The following INPP5A variants were observed in gnomAD, a reference collection of about 807,000 sequenced individuals.
INPP5A encodes 43 kDa inositol polyphosphate 5-phophatase.
In INPP5A, 14 loss-of-function variants were observed where a neutral mutation model predicts 65.2. That is an observed-to-expected ratio of 0.21 (90% CI 0.14 to 0.34). INPP5A has a LOEUF of 0.34. Ranked by LOEUF, INPP5A falls within the 10% of genes least tolerant of loss-of-function variation. INPP5A has a pLI of 1.00. For synonymous variants in INPP5A, 207 were observed against 208.3 expected (o/e 0.99, Z 0.05); for missense variants, 431 against 545.6 (o/e 0.79, Z 2.09).
At chr10:132,756,499 G>A (rs567246989) in intron 11 of INPP5A, among the ~76,000 whole-genome samples, 4 of 152,216 alleles carry the variant, frequency 2.6e-5, no homozygotes, top group South Asian at 2.1e-4. Context: ...ATAATCTGAC[G>A]ATAGGACTGA....
chr10:132,596,770 T>C (rs2786884), intron 1 of INPP5A, among the ~76,000 whole-genome samples: 36,914 of 151,384 alleles, frequency 0.24, 5,118 homozygotes, highest in East Asian at 0.49. Context: ...TATGCATGCA[T>C]GTGTGTTTGT....
In INPP5A at chr10:132,644,292, G is replaced by A. The variant is rs1341163965; in HGVS notation, c.118-1576G>A. Among the ~76,000 whole-genome samples the A allele has an allele frequency of 2.6e-5, 4 of 152,214 alleles. No homozygotes were observed. Among genetic ancestry groups the A allele is most frequent in the African/African-American group, 9.6e-5 (4 of 41,460 alleles). ...GGCGGCTGCGAACTCAGGCACGGCC[G>A]CCCTTGTCTCCTGCTGCCGCTGCCA... On this transcript the variant is annotated intron_variant, in intron 2 of 15. Transcript: ENST00000368594. The surrounding 1 kb of genome is among the most constrained non-coding windows in gnomAD (Gnocchi z 6.5).
intron 2 of INPP5A, among the ~76,000 whole-genome samples, chr10:132,620,843 T>G (rs2133360255): frequency 6.6e-6 from 1 of 152,314 alleles, no homozygotes; most frequent in South Asian, 2.1e-4. Context: ...GAGTCACAGA[T>G]GATACTTTTT....
chr10:132,735,818 T>C (rs1196625429), intron 9 of INPP5A, among the ~76,000 whole-genome samples: 1 of 152,036 alleles, frequency 6.6e-6, no homozygotes, highest in Non-Finnish European at 1.5e-5. Context: ...AGGGGCAGGG[T>C]GTCTGGGAGG....
intron 1 of INPP5A, among the ~76,000 whole-genome samples, chr10:132,570,781 T>G (rs1218405971): frequency 6.6e-6 from 1 of 152,160 alleles, no homozygotes; most frequent in African/African-American, 2.4e-5. Flanking sequence ...TCTGGGTGAC[T>G]GGCTGGTGCT....
rs1299160017 is a variant in INPP5A at position 132,575,580 on chromosome 10, A to T, written c.76-32335A>T. Among the ~76,000 whole-genome samples the T allele has an allele frequency of 6.6e-6, 1 of 152,250 alleles. No homozygotes were observed. Among genetic ancestry groups the T allele is most frequent in the East Asian group, 1.9e-4 (1 of 5,202 alleles). On this transcript the variant is annotated intron_variant, in intron 1 of 15. Coordinates refer to ENST00000368594, the MANE Select transcript of INPP5A (RefSeq NM_005539.5). The surrounding 1 kb of genome is among the most constrained non-coding windows in gnomAD (Gnocchi z 5.4). Reference sequence around the variant, plus strand: ...CTACTTCCCTAACCCAACCACAAGCAGCGGAGCCAGTTATTTCTTGGCTTC... The same window carrying T: ...CTACTTCCCTAACCCAACCACAAGCTGCGGAGCCAGTTATTTCTTGGCTTC...
At chr10:132,657,720 T>C (rs1273356047) in intron 4 of INPP5A, among the ~76,000 whole-genome samples, 10 of 152,248 alleles carry the variant, frequency 6.6e-5, no homozygotes, top group African/African-American at 2.2e-4. Flanking sequence ...TTGATGGAGT[T>C]TACGGATGTT....
chr10:132,610,331 C>T (rs964276744), intron 2 of INPP5A, among the ~76,000 whole-genome samples: 6 of 152,174 alleles, frequency 3.9e-5, no homozygotes, highest in African/African-American at 1.4e-4. Context: ...TCCCCTCTGC[C>T]CCTGCAGCTC....
rs952294837 is a variant in INPP5A at position 132,616,497 on chromosome 10, TGTG to T, written c.117+8545_117+8547del. On this transcript the variant is annotated intron_variant, in intron 2 of 15. Coordinates refer to ENST00000368594, the MANE Select transcript of INPP5A (RefSeq NM_005539.5). The surrounding 1 kb of genome is among the most constrained non-coding windows in gnomAD (Gnocchi z 4.9). ...TGGTGTAGAATGTGGTGCTGATGGA[TGTG>T]GTGTGTGTGGGATGCTGTGGTCACA... 1.3e-5 allele frequency among the ~76,000 whole-genome samples: 2 copies of T among 151,592 alleles called. No homozygotes were observed. Among genetic ancestry groups the T allele is most frequent in the African/African-American group, 4.9e-5 (2 of 41,210 alleles).
chr10:132,584,152 C>T (rs1590847071), intron 1 of INPP5A, among the ~76,000 whole-genome samples: 1 of 152,242 alleles, frequency 6.6e-6, no homozygotes, highest in Admixed American at 6.5e-5. Context: ...GAGCTGTTGA[C>T]CTGTAATGTT....
At chr10:132,621,044 G>A (rs1168994774) in intron 2 of INPP5A, among the ~76,000 whole-genome samples, 1 of 152,224 alleles carries the variant, frequency 6.6e-6, no homozygotes, top group Non-Finnish European at 1.5e-5. Context: ...AGTAGATGCA[G>A]AAAACGCATT....
chr10:132,563,871 G>T (rs1380195948), intron 1 of INPP5A, among the ~76,000 whole-genome samples: 2 of 152,142 alleles, frequency 1.3e-5, no homozygotes, highest in Admixed American at 1.3e-4. Flanking sequence ...CCAGGGAGGC[G>T]TATTCACTTC....
rs1480255718 is a variant in INPP5A, at chr10:132,645,977, A to AG, written c.218+13dup. ...GTGGACAAGTTCGTCAAGTAAGTCT[A>AG]GGGGCAGGTGCTGGTGCATGTCCAC... On this transcript the variant is annotated intron_variant, in intron 3 of 15. Transcript: ENST00000368594. 1.3e-6 allele frequency: 2 copies of AG among 1,597,038 alleles called. No individual in the cohort carries two copies. Among genetic ancestry groups the AG allele is most frequent in the African/African-American group, 2.7e-5 (2 of 74,630 alleles).
intron 2 of INPP5A, among the ~76,000 whole-genome samples, chr10:132,613,628 A>G (rs903393045): frequency 2.0e-5 from 3 of 152,210 alleles, no homozygotes; most frequent in South Asian, 2.1e-4. Flanking sequence ...TTCAGCGCCA[A>G]TCCCCACTCT....
At chr10:132,611,647 G>C (rs2071953063) in intron 2 of INPP5A, among the ~76,000 whole-genome samples, 1 of 135,592 alleles carries the variant, frequency 7.4e-6, no homozygotes, top group African/African-American at 2.8e-5. Flanking sequence ...TGAGGGAGGT[G>C]AGGTGGGCAG....
At chr10:132,654,298 G>A (rs917755316) in intron 4 of INPP5A, among the ~76,000 whole-genome samples, 1 of 152,258 alleles carries the variant, frequency 6.6e-6, no homozygotes, top group Non-Finnish European at 1.5e-5. Context: ...GGCCCTGAGT[G>A]AGGCTTTAGG....
rs530792089 is a variant in INPP5A, at chr10:132,627,351, G to T, written c.118-18517G>T. Among the ~76,000 whole-genome samples, 38 of 152,274 alleles carry T rather than the reference G, an allele frequency of 2.5e-4. No individual in the cohort carries two copies. The highest frequency in any genetic ancestry group is 9.2e-4 in the African/African-American group (38 of 41,528). On this transcript the variant is annotated intron_variant, in intron 2 of 15. Transcript: ENST00000368594. The surrounding 1 kb of genome is among the most constrained non-coding windows in gnomAD (Gnocchi z 6.6). Reference sequence around the variant, plus strand: ...GGCTTCACGGGGAGACCGGGGCCGGGAGCTGCTGCTGGCTCCACACCTGTC... The same window carrying T: ...GGCTTCACGGGGAGACCGGGGCCGGTAGCTGCTGCTGGCTCCACACCTGTC...
At chr10:132,722,621 G>C (rs1294718000) in intron 8 of INPP5A, among the ~76,000 whole-genome samples, 1 of 152,112 alleles carries the variant, frequency 6.6e-6, no homozygotes, top group Non-Finnish European at 1.5e-5. Context: ...TTTAATCTGC[G>C]GTGTCGTGAG....
chr10:132,576,358 G>C (rs982707837), intron 1 of INPP5A, among the ~76,000 whole-genome samples: 1 of 152,244 alleles, frequency 6.6e-6, no homozygotes, highest in Non-Finnish European at 1.5e-5. Flanking sequence ...GGCTTGGACA[G>C]GTGCTGGGTG....
Sources: allele counts gnomAD v4.1 joint callset (sites outside exome capture counted in the v4.1 genomes callset), GRCh38; gene constraint gnomAD v4.1.1; non-coding constraint Gnocchi (gnomAD v3.1); transcripts MANE v1.5; gene names NCBI Gene and HGNC (gene_info 2026-07-23, HGNC 2026-07-21).